Variants in APBA1 observed in about 807,000 individuals in gnomAD.
APBA1 encodes the protein amyloid beta precursor protein binding family A member 1, also known as amyloid-beta A4 precursor protein-binding family A member 1.
A neutral mutation model predicts 86.6 loss-of-function variants in APBA1; 55 were observed. The ratio of observed to expected loss-of-function variants is 0.64; its 90% CI spans 0.51 to 0.80. The LOEUF (loss-of-function observed/expected upper bound fraction) is 0.80. APBA1 is among the 30% of genes least tolerant of loss of function. The pLI, the probability that APBA1 is intolerant of heterozygous loss-of-function variation, is 0.00. For missense variants in APBA1, 1,090 were observed against 1,183.0 expected, an observed-to-expected ratio of 0.92 and a Z score of 1.15; for synonymous variants, 511 against 493.9, an observed-to-expected ratio of 1.03 and a Z score of -0.46.
intron 1 of APBA1, among the ~76,000 whole-genome samples, chr9:69,661,573 C>T (rs561903341): frequency 3.3e-5 from 5 of 150,718 alleles, no homozygotes; most frequent in South Asian, 2.1e-4. Flanking sequence ...GGAGAGATGT[C>T]GGTGCAACAG....
rs77646959 is a variant in APBA1 at position 69,487,991 on chromosome 9, T to C, written c.1201-11848A>G. On this transcript the variant is annotated intron_variant, in intron 2 of 12. Coordinates refer to ENST00000265381, the MANE Select transcript of APBA1 (RefSeq NM_001163.4). The stretch of plus-strand genomic sequence containing the variant: ...CAAATAAAGTGCAGAGGTGCAAATA[T>C]TGCAAAAATAAATAGATGGATAGTA... Among the ~76,000 whole-genome samples the C allele has an allele frequency of 6.8e-3, 1,033 of 152,068 alleles. 12 individuals are homozygous for C. Among genetic ancestry groups the C allele is most frequent in the African/African-American group, 0.023 (965 of 41,480 alleles).
chr9:69,463,695 A>G (rs374961726), intron 5 of APBA1: 3 of 152,128 alleles, frequency 2.0e-5, no homozygotes, highest in Non-Finnish European at 4.4e-5. Context: ...ATCTGGTCAA[A>G]CAAACAATGT....
At chr9:69,665,708 G>C (rs927621492) in intron 1 of APBA1, among the ~76,000 whole-genome samples, 3 of 152,214 alleles carry the variant, frequency 2.0e-5, no homozygotes, top group Non-Finnish European at 4.4e-5. Flanking sequence ...TCAGGACACA[G>C]AAGAGATGTA....
chr9:69,521,370 A>G (rs1261772687), intron 1 of APBA1, among the ~76,000 whole-genome samples: 2 of 152,126 alleles, frequency 1.3e-5, no homozygotes, highest in Non-Finnish European at 2.9e-5. Flanking sequence ...ATTTTAACCT[A>G]TAACTTTTCT....
intron 1 of APBA1, among the ~76,000 whole-genome samples, chr9:69,620,973 G>T (rs1822805090): frequency 6.6e-6 from 1 of 152,170 alleles, no homozygotes; most frequent in East Asian, 1.9e-4. Flanking sequence ...AAATCCAAAG[G>T]CCCGGGAGCT....
chr9:69,505,094 G>C (rs1370040212), intron 2 of APBA1, among the ~76,000 whole-genome samples: 1 of 152,014 alleles, frequency 6.6e-6, no homozygotes, highest in Non-Finnish European at 1.5e-5. Flanking sequence ...AGTCAGGATG[G>C]ACCAGGCTGT....
chr9:69,610,230 G>A (rs1822560318), intron 1 of APBA1, among the ~76,000 whole-genome samples: 1 of 152,150 alleles, frequency 6.6e-6, no homozygotes, highest in African/African-American at 2.4e-5. Context: ...TGAGGCTGGA[G>A]GATTACTTGA....
intron 1 of APBA1, among the ~76,000 whole-genome samples, chr9:69,553,535 T>C (rs1836819902): frequency 6.6e-6 from 1 of 152,250 alleles, no homozygotes; most frequent in South Asian, 2.1e-4. Context: ...CATGTCATTG[T>C]ATCTATCAGT....
At chr9:69,605,132 A>G (rs1476101755) in intron 1 of APBA1, among the ~76,000 whole-genome samples, 1 of 152,222 alleles carries the variant, frequency 6.6e-6, no homozygotes, top group African/African-American at 2.4e-5. Context: ...GCCCTTTAAA[A>G]ATATTTTCAA....
At chr9:69,640,600 C>T (rs953628573) in intron 1 of APBA1, among the ~76,000 whole-genome samples, 11 of 151,856 alleles carry the variant, frequency 7.2e-5, no homozygotes, top group Admixed American at 1.3e-4. Flanking sequence ...ACATAACAGC[C>T]ACAGGAAAAG....
Position 69,432,595 on chromosome 9 carries a change from T to G in APBA1, c.2383A>C (p.Ser795Arg). ...GHRIIEINGQ[S>R]VVATPHEKIV... ...TTCTCGTGGGGGGTGGCCACGACGC[T>G]CTGTCCATTGATTTCAATGATCCGG... The change falls in exon 12 of 13, where the codon AGC becomes CGC. Residue 795 changes from serine to arginine, a missense_variant. Around this residue, in one of 6 missense-constraint regions of APBA1, gnomAD observed 119 missense variants for 124.8 expected, o/e 0.95. Coordinates refer to ENST00000265381, the MANE Select transcript of APBA1 (RefSeq NM_001163.4). The G allele has an allele frequency of 6.2e-7, 1 of 1,606,664 alleles. No homozygotes were observed.
intron 11 of APBA1, among the ~76,000 whole-genome samples, chr9:69,437,334 A>ATAGTT (rs1180782136): frequency 4.7e-5 from 7 of 150,028 alleles, no homozygotes; most frequent in Admixed American, 2.0e-4. Flanking sequence ...ATTGATTGGA[A>ATAGTT]TAGTTTCAGA....
intron 5 of APBA1, among the ~76,000 whole-genome samples, chr9:69,466,050 C>T (rs965846963): frequency 5.9e-5 from 9 of 152,162 alleles, no homozygotes; most frequent in Admixed American, 5.9e-4. Flanking sequence ...ATAAAAACAT[C>T]GTAGTCATGT....
At chr9:69,662,363 C>T (rs549347477) in intron 1 of APBA1, among the ~76,000 whole-genome samples, 100 of 152,296 alleles carry the variant, frequency 6.6e-4, no homozygotes, top group Non-Finnish European at 1.0e-3. Context: ...CAATGCCTGA[C>T]ACTTTGTAAC....
At chr9:69,544,415 A>G (rs918611489) in intron 1 of APBA1, among the ~76,000 whole-genome samples, 4 of 152,260 alleles carry the variant, frequency 2.6e-5, no homozygotes, top group African/African-American at 9.6e-5. Context: ...CTACCAATTT[A>G]TTATACATGC....
At chr9:69,568,932 G>A (rs189229285) in intron 1 of APBA1, among the ~76,000 whole-genome samples, 4 of 152,290 alleles carry the variant, frequency 2.6e-5, no homozygotes, top group Admixed American at 2.0e-4. Context: ...GTATACGTGA[G>A]CCAGGATATA....
At chr9:69,654,631 A>G (rs374844176) in intron 1 of APBA1, among the ~76,000 whole-genome samples, 13 of 152,362 alleles carry the variant, frequency 8.5e-5, no homozygotes, top group Admixed American at 6.5e-4. Flanking sequence ...ACATTTAAAG[A>G]AGAACTAATA....
At chr9:69,571,013 C>G (rs577878667) in intron 1 of APBA1, among the ~76,000 whole-genome samples, 1 of 152,254 alleles carries the variant, frequency 6.6e-6, no homozygotes, top group South Asian at 2.1e-4. Flanking sequence ...CTCAGATAGG[C>G]GTGGATGGTG....
At chr9:69,497,069 T>C (rs915024169) in intron 2 of APBA1, among the ~76,000 whole-genome samples, 1 of 152,144 alleles carries the variant, frequency 6.6e-6, no homozygotes, top group Non-Finnish European at 1.5e-5. Context: ...AGTGTCTTAT[T>C]GGTACAAAAG....
Sources: allele counts gnomAD v4.1 joint callset (sites outside exome capture counted in the v4.1 genomes callset), GRCh38; gene constraint gnomAD v4.1.1; regional missense constraint gnomAD v4.1.1; transcripts MANE v1.5; gene names NCBI Gene and HGNC (gene_info 2026-07-23, HGNC 2026-07-21).